The following FZR1 variants were observed in gnomAD, a reference collection of about 807,000 sequenced individuals.
FZR1 encodes fizzy-related protein homolog.
FZR1 carries 11 observed loss-of-function variants against 63.6 expected under a neutral mutation model. The observed-to-expected ratio is 0.17, with a 90% CI of 0.11 to 0.29. The LOEUF (loss-of-function observed/expected upper bound fraction) is 0.29. Ranked by LOEUF, FZR1 falls within the 10% of genes least tolerant of loss-of-function variation. FZR1 has a pLI of 1.00. For missense variants in FZR1, 440 were observed against 687.5 expected (o/e 0.64, Z 4.03); for synonymous variants, 328 against 297.9 (o/e 1.10, Z -1.04).
chr19:3,515,265 G>A lies in FZR1; in HGVS notation c.-34-7691G>A, dbSNP rs745629175. Among the ~76,000 whole-genome samples, 3 of 152,162 alleles carry A rather than the reference G, an allele frequency of 2.0e-5. No homozygotes were observed. Among genetic ancestry groups the A allele is most frequent in the East Asian group, 1.9e-4 (1 of 5,196 alleles). On this transcript the variant is annotated intron_variant, in intron 1 of 13. Coordinates refer to ENST00000441788, the MANE Select transcript of FZR1 (RefSeq NM_016263.4). The surrounding 1 kb of genome is among the most constrained non-coding windows in gnomAD (Gnocchi z 4.6). ...CGACCCGGTCTGAGCCTTTCCACAC[G>A]GCCACACACGTTGTCTGTGCTCAGG...
chr19:3,523,257 G>A (rs1034559001), intron 2 of FZR1, among the ~76,000 whole-genome samples, 199 bp downstream of exon 2: 3 of 152,214 alleles, frequency 2.0e-5, no homozygotes, highest in Admixed American at 2.0e-4. Flanking sequence ...AGAGCCCAGC[G>A]GGGCTTGGAT....
chr19:3,526,206 C>G lies in FZR1; in HGVS notation c.259+23C>G. On this transcript the variant is annotated intron_variant, in intron 4 of 13. Coordinates refer to ENST00000441788, the MANE Select transcript of FZR1 (RefSeq NM_016263.4). The surrounding 1 kb of genome is among the most constrained non-coding windows in gnomAD (Gnocchi z 5.4). ...AAGGTTAGGGTCCCAGCCCATCCGC[C>G]CTGCAGGCCCCCACCCTGCCTTGCC... 1.2e-6 allele frequency: 2 copies of G among 1,612,054 alleles called. No homozygotes were observed. The highest frequency in any genetic ancestry group is 8.5e-7 in the Non-Finnish European group (1 of 1,179,876).
intron 7 of FZR1, among the ~76,000 whole-genome samples, chr19:3,529,078 G>GCAGACGGTTGAA (rs1168614797): frequency 3.5e-4 from 53 of 151,394 alleles, no homozygotes; most frequent in African/African-American, 1.0e-3. Context: ...GGATGGGAGA[G>GCAGACGGTTGAA]CGGATGGGAG....
intron 13 of FZR1, 36 bp from the exon 14 acceptor site, chr19:3,534,759 C>T (rs762324945): frequency 1.6e-5 from 25 of 1,599,550 alleles, no homozygotes; most frequent in African/African-American, 1.5e-4. Context: ...CCTGGGCCTG[C>T]GGCTCAGCGC....
At position 3,536,404 on chromosome 19, in the gene FZR1, T is replaced by C. The variant is rs1368776290; in HGVS notation, c.*1568T>C. 1.3e-5 allele frequency: 2 copies of C among 152,156 alleles called. No individual in the cohort carries two copies. The highest frequency in any genetic ancestry group is 2.9e-5 in the Non-Finnish European group (2 of 68,044). 9.4% of individuals were successfully genotyped at this position (152,156 alleles called of 1,614,324 possible). ...CCTCACTGTGCGCCTGTGCAGGGGG[T>C]GCTGGTGCACGTGGCAGTGTGGATT... On this transcript the variant is annotated 3_prime_UTR_variant, in exon 14 of 14. Transcript: ENST00000441788.
intron 10 of FZR1, 92 bp downstream of exon 10, chr19:3,532,187 G>C: frequency 8.1e-7 from 1 of 1,236,288 alleles, no homozygotes; most frequent in East Asian, 2.6e-5. Flanking sequence ...GGGCGGGCGC[G>C]GGCGCGGGGC....
At chr19:3,512,598 G>T (rs570011347) in intron 1 of FZR1, among the ~76,000 whole-genome samples, 2 of 152,210 alleles carry the variant, frequency 1.3e-5, no homozygotes, top group Non-Finnish European at 2.9e-5. Context: ...CGATAAGGGT[G>T]TCTGGGTGCT....
chr19:3,530,540 A>G (rs1412185045), intron 7 of FZR1, among the ~76,000 whole-genome samples: 19 of 142,846 alleles, frequency 1.3e-4, no homozygotes, highest in Middle Eastern at 8.1e-3. Flanking sequence ...ATGGTTGAGT[A>G]GATGGGAGAG....
Position 3,526,709 on chromosome 19 carries a change from C to T in FZR1, c.388-271C>T, listed in dbSNP as rs1348175327. Among the ~76,000 whole-genome samples, 1 of 152,194 alleles carries T rather than the reference C, an allele frequency of 6.6e-6. No individual in the cohort carries two copies. The highest frequency in any genetic ancestry group is 2.4e-5 in the African/African-American group (1 of 41,460). On this transcript the variant is annotated intron_variant, in intron 5 of 13. Coordinates refer to ENST00000441788, the MANE Select transcript of FZR1 (RefSeq NM_016263.4). The surrounding 1 kb of genome is among the most constrained non-coding windows in gnomAD (Gnocchi z 5.4). ...CTGCCCGTAGGGGGCAGTACTGGGT[C>T]CTCCCACAGGGCCCCACTCTGTCCA...
chr19:3,512,594 G>C (rs10401649), intron 1 of FZR1, among the ~76,000 whole-genome samples: 23,762 of 152,208 alleles, frequency 0.16, 1,990 homozygotes, highest in Middle Eastern at 0.22. Flanking sequence ...TTAGCGATAA[G>C]GGTGTCTGGG....
In FZR1 at chr19:3,518,579, C is replaced by T. The variant is rs545435140; in HGVS notation, c.-34-4377C>T. 2.0e-5 allele frequency among the ~76,000 whole-genome samples: 3 copies of T among 152,276 alleles called. No homozygotes were observed. In the South Asian group the frequency reaches 6.2e-4, roughly 32 times the overall value. ...CCGCTTGTGCCCGCGCTCCTGTGCC[C>T]ATGGGTCCCTCTGCGAGGTGCCAGG... On this transcript the variant is annotated intron_variant, in intron 1 of 13. Coordinates refer to ENST00000441788, the MANE Select transcript of FZR1 (RefSeq NM_016263.4).
intron 1 of FZR1, among the ~76,000 whole-genome samples, chr19:3,522,296 C>T (rs941320962): frequency 2.0e-5 from 3 of 152,210 alleles, no homozygotes; most frequent in African/African-American, 4.8e-5. Flanking sequence ...TTGCGGTCTC[C>T]TCACCGCCAC....
Position 3,531,740 on chromosome 19 carries a change from C to A in FZR1, c.747C>A (p.His249Gln), listed in dbSNP as rs765576156. Residue 249 changes from histidine (H) to glutamine (Q), a missense_variant, in exon 9 of 14, where the codon CAC becomes CAA. This residue lies in a region of FZR1 where 208 missense variants were observed against 363.6 expected (regional missense o/e 0.57). Transcript: ENST00000441788. ...GGAACCTGGTGGCGGTGGGCACACA[C>A]AAGGGCTTCGTGCAGATCTGGGACG... is the stretch of plus-strand genomic sequence containing the variant. ...ERGNLVAVGT[H>Q]KGFVQIWDAA... is the part of the protein sequence containing the mutation. 2 of 1,549,884 alleles carry A rather than the reference C, an allele frequency of 1.3e-6. No homozygotes were observed. Among genetic ancestry groups the A allele is most frequent in the Non-Finnish European group, 8.7e-7 (1 of 1,146,578 alleles).
In FZR1 at chr19:3,535,217, C is replaced by G. The variant is rs931542586; in HGVS notation, c.*381C>G. The G allele has an allele frequency of 1.7e-4, 53 of 310,546 alleles. No individual in the cohort carries two copies. Among genetic ancestry groups the G allele is most frequent in the African/African-American group, 1.1e-3 (51 of 46,536 alleles). 19.2% of individuals were successfully genotyped at this position (310,546 alleles called of 1,614,324 possible). A position where few individuals can be genotyped will look rare whatever the true frequency, so the allele number is the denominator to read the frequency against. ...CGCATGCTCTTCCTGGAACTGCCCA[C>G]GTCTGCACAGAACAGACCACCAGAC... On this transcript the variant is annotated 3_prime_UTR_variant, in exon 14 of 14. Transcript: ENST00000441788.
chr19:3,520,291 G>T (rs1599777896), intron 1 of FZR1, among the ~76,000 whole-genome samples: 2 of 152,210 alleles, frequency 1.3e-5, no homozygotes, highest in East Asian at 3.9e-4. Flanking sequence ...GGGAGAAGGG[G>T]ATGGGGAGGA....
At chr19:3,508,772 T>C (rs1037520858) in intron 1 of FZR1, among the ~76,000 whole-genome samples, 5 of 152,258 alleles carry the variant, frequency 3.3e-5, no homozygotes, top group Non-Finnish European at 4.4e-5. Context: ...CCCAATTCTG[T>C]CCCCAGGGGA....
At chr19:3,513,186 A>AC (rs2083035923) in intron 1 of FZR1, among the ~76,000 whole-genome samples, 1 of 151,272 alleles carries the variant, frequency 6.6e-6, no homozygotes, top group South Asian at 2.1e-4. Flanking sequence ...TAGCCAGCCC[A>AC]CCCCCTGGCT....
chr19:3,507,914 C>G (rs1182412933), intron 1 of FZR1, among the ~76,000 whole-genome samples: 4 of 152,220 alleles, frequency 2.6e-5, no homozygotes, highest in South Asian at 2.1e-4. Flanking sequence ...GGCCGCTGCC[C>G]GGCGCCTTGA....
intron 1 of FZR1, among the ~76,000 whole-genome samples, chr19:3,519,559 G>A (rs978291365): frequency 3.3e-5 from 5 of 152,158 alleles, no homozygotes; most frequent in African/African-American, 9.7e-5. Context: ...CTCAGTGTTC[G>A]GGTCCTGCCT....
Sources: gnomAD v4.1 joint callset for allele counts (sites outside exome capture counted in the v4.1 genomes callset) on GRCh38, gnomAD v4.1.1 for gene constraint, gnomAD v4.1.1 regional missense constraint, Gnocchi (gnomAD v3.1) non-coding constraint, MANE v1.5 for transcripts, NCBI Gene and HGNC (gene_info 2026-07-23, HGNC 2026-07-21) for gene names.